TMEM117: variants seen among roughly 807,000 people sequenced by gnomAD.
TMEM117 encodes the protein transmembrane protein 117.
Under a neutral mutation model 52.4 loss-of-function variants are expected in TMEM117, and 27 were observed. That is an observed-to-expected ratio of 0.51 (90% CI 0.38 to 0.71). The LOEUF (loss-of-function observed/expected upper bound fraction) is 0.71. Ranked by LOEUF, TMEM117 falls within the 30% of genes least tolerant of loss-of-function variation. The pLI is 0.00. For synonymous variants in TMEM117, 215 were observed against 206.3 expected (o/e 1.04, Z -0.36); for missense variants, 556 against 630.5 (o/e 0.88, Z 1.26).
At chr12:43,822,637 C>T in the TMEM117 span, among the ~76,000 whole-genome samples, 250 of 152,176 alleles carry the variant, frequency 1.6e-3, 1 homozygote, top group African/African-American at 5.8e-3. Context: ...TTACCTGTCT[C>T]TATTATTTTT....
At chr12:44,221,367 A>G (rs963387056) in intron 5 of TMEM117, among the ~76,000 whole-genome samples, 1 of 152,060 alleles carries the variant, frequency 6.6e-6, no homozygotes, top group African/African-American at 2.4e-5. Flanking sequence ...TTATGCATAA[A>G]CCTCAAGGCT....
chr12:43,955,101 C>T (rs1945285971), intron 3 of TMEM117, among the ~76,000 whole-genome samples: 1 of 152,160 alleles, frequency 6.6e-6, no homozygotes, highest in Admixed American at 6.5e-5. Flanking sequence ...ATGTTAAAAA[C>T]TCAATAAACT....
chr12:43,848,383 C>T (rs559867573), intron 2 of TMEM117, among the ~76,000 whole-genome samples: 2 of 152,006 alleles, frequency 1.3e-5, no homozygotes, highest in Non-Finnish European at 2.9e-5. Flanking sequence ...ACAGACATTC[C>T]CAGAGCTGCC....
chr12:43,966,350 C>T (rs1050663363), intron 3 of TMEM117, among the ~76,000 whole-genome samples: 25 of 152,156 alleles, frequency 1.6e-4, no homozygotes, highest in African/African-American at 2.7e-4. Flanking sequence ...TAAAATAATA[C>T]ACAACATTAC....
chr12:44,048,529 G>A (rs1462488268), intron 3 of TMEM117, among the ~76,000 whole-genome samples: 1 of 152,106 alleles, frequency 6.6e-6, no homozygotes, highest in Non-Finnish European at 1.5e-5. Flanking sequence ...AGCTGAATCT[G>A]GTAAATTTTT....
intron 4 of TMEM117, among the ~76,000 whole-genome samples, chr12:44,145,430 C>T (rs948293749): frequency 1.3e-5 from 2 of 152,126 alleles, no homozygotes; most frequent in African/African-American, 4.8e-5. Context: ...GAACAGTTCT[C>T]GGAGGCTCAG....
At chr12:43,934,335 G>C (rs1415983327) in intron 2 of TMEM117, among the ~76,000 whole-genome samples, 1 of 152,072 alleles carries the variant, frequency 6.6e-6, no homozygotes, top group Non-Finnish European at 1.5e-5. Flanking sequence ...TAAGCAATTT[G>C]ATTTAGTTAA....
At chr12:43,819,913 C>G in the TMEM117 span, among the ~76,000 whole-genome samples, 7 of 152,020 alleles carry the variant, frequency 4.6e-5, no homozygotes, top group South Asian at 2.1e-4. Context: ...ATTTGGCATC[C>G]TAATTATTTT....
chr12:43,838,601 A>G (rs1364742411), intron 1 of TMEM117, among the ~76,000 whole-genome samples: 1 of 104,560 alleles, frequency 9.6e-6, no homozygotes, highest in Non-Finnish European at 1.8e-5. Context: ...ACATCTGTTT[A>G]TTCATTTATT....
the TMEM117 span, among the ~76,000 whole-genome samples, chr12:43,814,090 G>A: frequency 6.6e-6 from 1 of 152,058 alleles, no homozygotes; most frequent in Non-Finnish European, 1.5e-5. Flanking sequence ...CTCTGGTCTG[G>A]AACAGGAATA....
At chr12:44,038,303 G>C (rs1946742694) in intron 3 of TMEM117, among the ~76,000 whole-genome samples, 1 of 152,104 alleles carries the variant, frequency 6.6e-6, no homozygotes, top group South Asian at 2.1e-4. Flanking sequence ...CCCTCTCTGG[G>C]GCTCTGCAGT....
At chr12:43,853,138 A>G (rs1009218604) in intron 2 of TMEM117, among the ~76,000 whole-genome samples, 9 of 152,368 alleles carry the variant, frequency 5.9e-5, no homozygotes, top group South Asian at 2.1e-4. Flanking sequence ...CCGAAACTCT[A>G]TGAGTGAGAG....
intron 4 of TMEM117, among the ~76,000 whole-genome samples, chr12:44,189,885 G>A (rs1426706250): frequency 6.6e-6 from 1 of 152,188 alleles, no homozygotes; most frequent in African/African-American, 2.4e-5. Context: ...AGATGAGATG[G>A]CTGAAAATTA....
chr12:44,334,587 G>C (rs989280339), intron 6 of TMEM117, among the ~76,000 whole-genome samples: 1 of 151,974 alleles, frequency 6.6e-6, no homozygotes, highest in African/African-American at 2.4e-5. Flanking sequence ...TAGCTTAAGA[G>C]TCACCTCTTC....
At chr12:44,390,098 C>CTTGAGTAAAGTG (rs1462247461), downstream of TMEM117, among the ~76,000 whole-genome samples, 2 of 151,958 alleles carry the variant, frequency 1.3e-5, no homozygotes, top group Non-Finnish European at 2.9e-5. Flanking sequence ...TGAGAGCCAG[C>CTTGAGTAAAGTG]TTTAATAAAC....
At chr12:43,901,249 T>C (rs1944298959) in intron 2 of TMEM117, among the ~76,000 whole-genome samples, 1 of 152,180 alleles carries the variant, frequency 6.6e-6, no homozygotes, top group African/African-American at 2.4e-5. Context: ...GTTATTTTTC[T>C]CCAGATGCTT....
chr12:44,342,033 A>G (rs1281220086), intron 6 of TMEM117, among the ~76,000 whole-genome samples: 1 of 151,814 alleles, frequency 6.6e-6, no homozygotes, highest in East Asian at 2.0e-4. Flanking sequence ...CTTGTACTTC[A>G]TAGGAGTTCC....
intron 5 of TMEM117, among the ~76,000 whole-genome samples, chr12:44,264,675 T>C (rs1159181927): frequency 1.3e-5 from 2 of 151,402 alleles, no homozygotes; most frequent in African/African-American, 2.4e-5. Context: ...ACCATAGAAA[T>C]CTGAAAAAAC....
chr12:44,011,846 A>G (rs1339471913), intron 3 of TMEM117, among the ~76,000 whole-genome samples: 3 of 152,192 alleles, frequency 2.0e-5, no homozygotes, highest in Admixed American at 6.5e-5. Flanking sequence ...CTGTTCTCTG[A>G]TAAGTGAGAA....
Sources: gnomAD v4.1 joint callset for allele counts (sites outside exome capture counted in the v4.1 genomes callset) on GRCh38, gnomAD v4.1.1 for gene constraint, MANE v1.5 for transcripts, NCBI Gene and HGNC (gene_info 2026-07-23, HGNC 2026-07-21) for gene names.